Variants in DTL observed in about 807,000 individuals in gnomAD.
DTL encodes denticleless E3 ubiquitin protein ligase adapter, also known as denticleless protein homolog.
A neutral mutation model predicts 87.0 loss-of-function variants in DTL; 46 were observed. The ratio of observed to expected loss-of-function variants is 0.53; its 90% CI spans 0.42 to 0.68. The LOEUF (loss-of-function observed/expected upper bound fraction) is 0.68, where lower values mean the gene tolerates loss of function less well. Among genes scored for constraint, DTL ranks in the 30% least tolerant of loss-of-function variants. DTL has a pLI of 0.00. For synonymous variants in DTL, 308 were observed against 311.2 expected, an observed-to-expected ratio of 0.99 and a Z score of 0.11; for missense variants, 737 against 869.4, an observed-to-expected ratio of 0.85 and a Z score of 1.91.
rs79998219 is a variant in DTL at position 212,086,810 on chromosome 1, C to T, written c.1261+6060C>T. Among the ~76,000 whole-genome samples the T allele has an allele frequency of 1.7e-4, 26 of 152,266 alleles. 1 individual carries two copies. In the East Asian group the frequency reaches 5.0e-3, roughly 29 times the overall value. The stretch of plus-strand genomic sequence containing the variant: ...AACATTTGTTTCAAATATTTTAAAA[C>T]TTGGGGTTTTTTCCTCCCTGAATTT... On this transcript the variant is annotated intron_variant, in intron 13 of 14. Coordinates refer to ENST00000366991, the MANE Select transcript of DTL (RefSeq NM_016448.4).
intron 11 of DTL, among the ~76,000 whole-genome samples, chr1:212,075,990 C>A (rs902490803): frequency 6.6e-6 from 1 of 152,112 alleles, no homozygotes; most frequent in Admixed American, 6.6e-5. Context: ...TGTGTGACGT[C>A]TTTTACTTAG....
In DTL at chr1:212,065,041, C is replaced by G. The variant is rs1253525481; in HGVS notation, c.639+12C>G. The G allele has an allele frequency of 1.3e-6, 2 of 1,562,096 alleles. No individual in the cohort carries two copies. Among genetic ancestry groups the G allele is most frequent in the Admixed American group, 1.7e-5 (1 of 59,938 alleles). On this transcript the variant is annotated intron_variant, in intron 7 of 14. Transcript: ENST00000366991. ...TTGCTCCTTCTGTGGTAAGGTTTTA[C>G]AGATGTATACATGTGTGCAGATCTT...
chr1:212,036,063 A>T lies in DTL; in HGVS notation c.52+121A>T. 7.7e-6 allele frequency: 7 copies of T among 904,152 alleles called. No individual in the cohort carries two copies. The South Asian group carries it at 9.9e-5, about 13-fold the overall frequency. The allele number at this position is 904,152 out of a possible 1,614,324, so 56.0% of individuals were successfully genotyped here. Reference sequence around the variant, plus strand: ...TCAGCTTCTGAGTTCTCCCATGGCAAGGGTAAATTAGTGTTAGCAGGGACT... The same window carrying T: ...TCAGCTTCTGAGTTCTCCCATGGCATGGGTAAATTAGTGTTAGCAGGGACT... On this transcript the variant is annotated intron_variant, in intron 1 of 14. Transcript: ENST00000366991.
In DTL at chr1:212,035,815, G is replaced by C; in HGVS notation, c.-76G>C. 6.9e-7 allele frequency: 1 copy of C among 1,439,236 alleles called. No individual in the cohort carries two copies. The highest frequency in any genetic ancestry group is 1.2e-5 in the South Asian group (1 of 86,156). The allele number at this position is 1,439,236 out of a possible 1,614,324, so 89.2% of individuals were successfully genotyped here. On this transcript the variant is annotated 5_prime_UTR_variant, in exon 1 of 15. Coordinates refer to ENST00000366991, the MANE Select transcript of DTL (RefSeq NM_016448.4). ...GATAACGATTTGTGTTGTGAGAGGC[G>C]CAAGCTGCGATTTCTGCTGAACTTG... is the stretch of plus-strand genomic sequence containing the variant.
At chr1:212,065,221 C>T (rs1004137609) in intron 7 of DTL, among the ~76,000 whole-genome samples, 192 bp downstream of exon 7, 1 of 151,978 alleles carries the variant, frequency 6.6e-6, no homozygotes, top group Non-Finnish European at 1.5e-5. Context: ...ATGCCATTTA[C>T]CTATATTATT....
chr1:212,070,870 A>G (rs1205851580), intron 10 of DTL, among the ~76,000 whole-genome samples: 1 of 152,206 alleles, frequency 6.6e-6, no homozygotes, highest in African/African-American at 2.4e-5. Context: ...AAACATTTAC[A>G]GTGCATATCA....
chr1:212,077,278 T>C (rs150223839), intron 11 of DTL, among the ~76,000 whole-genome samples: 123 of 152,242 alleles, frequency 8.1e-4, no homozygotes, highest in African/African-American at 2.9e-3. Context: ...ATGAAAGAGA[T>C]TGACATCTCT....
intron 1 of DTL, among the ~76,000 whole-genome samples, chr1:212,038,530 G>A (rs1021103935): frequency 2.6e-5 from 4 of 152,156 alleles, no homozygotes; most frequent in African/African-American, 7.2e-5. Flanking sequence ...AAAACATTTC[G>A]TTAAAATCTC....
chr1:212,100,550 G>T lies in DTL; in HGVS notation c.1560G>T (p.Ser520=). The change falls in exon 14 of 15, where the codon TCG becomes TCT. Residue 520 remains serine (S), a synonymous_variant. Coordinates refer to ENST00000366991, the MANE Select transcript of DTL (RefSeq NM_016448.4). ...SSSPPITPPA[S]ETKIMSPRKA... ...CACCACCCATCACTCCACCTGCTTCGGAGACCAAGATCATGTCTCCGAGAA... is the reference window on the plus strand; with the variant it reads ...CACCACCCATCACTCCACCTGCTTCTGAGACCAAGATCATGTCTCCGAGAA... 6.2e-7 allele frequency: 1 copy of T among 1,613,850 alleles called. No homozygotes were observed. The highest frequency in any genetic ancestry group is 8.5e-7 in the Non-Finnish European group (1 of 1,179,968).
rs1292111238 is a variant in DTL, at chr1:212,052,951, A to C, written c.460+5534A>C. 5.3e-5 allele frequency among the ~76,000 whole-genome samples: 8 copies of C among 152,300 alleles called. No individual in the cohort carries two copies. The East Asian group carries it at 1.5e-3, about 29-fold the overall frequency. ...AAATTTAGAATCTTTTCATCAGTCC[A>C]AAAAGAAACTTGAACGCATTAGCAG... On this transcript the variant is annotated intron_variant, in intron 5 of 14. Transcript: ENST00000366991.
intron 13 of DTL, among the ~76,000 whole-genome samples, chr1:212,099,265 C>T (rs912932301): frequency 6.6e-6 from 1 of 152,022 alleles, no homozygotes; most frequent in Non-Finnish European, 1.5e-5. Flanking sequence ...AACGGAGTCT[C>T]GCTGTCAGGC....
rs80150735 is a variant in DTL at position 212,093,494 on chromosome 1, C to G, written c.1262-6758C>G. Among the ~76,000 whole-genome samples the G allele has an allele frequency of 5.4e-3, 822 of 152,318 alleles. 4 individuals are homozygous for G. Among genetic ancestry groups the G allele is most frequent in the African/African-American group, 0.019 (779 of 41,574 alleles). ...GTTCCACTGAGCAGAAGTAGCTTTC[C>G]GCGGATGGGGGAGCCAGAAGGGAAA... On this transcript the variant is annotated intron_variant, in intron 13 of 14. Coordinates refer to ENST00000366991, the MANE Select transcript of DTL (RefSeq NM_016448.4).
chr1:212,088,599 G>A (rs1028468497), intron 13 of DTL, among the ~76,000 whole-genome samples: 1 of 152,216 alleles, frequency 6.6e-6, no homozygotes, highest in Non-Finnish European at 1.5e-5. Context: ...TGTCATCAGA[G>A]CCTTGAAACA....
At chr1:212,036,285 A>G (rs1208988836) in intron 1 of DTL, among the ~76,000 whole-genome samples, 1 of 152,160 alleles carries the variant, frequency 6.6e-6, no homozygotes, top group East Asian at 1.9e-4. Flanking sequence ...GAGATGCTCA[A>G]AACTCCTAAT....
chr1:212,077,856 A>G (rs542839174), intron 11 of DTL, among the ~76,000 whole-genome samples: 5 of 152,320 alleles, frequency 3.3e-5, no homozygotes, highest in Admixed American at 3.3e-4. Context: ...GGAATAAGGG[A>G]CAATGCCAGT....
At chr1:212,087,788 C>T (rs913650467) in intron 13 of DTL, among the ~76,000 whole-genome samples, 3 of 152,150 alleles carry the variant, frequency 2.0e-5, no homozygotes, top group African/African-American at 7.2e-5. Context: ...ATCATGTTCC[C>T]CTGCTTTCCC....
In DTL at chr1:212,102,953, G is replaced by A; in HGVS notation, c.*13G>A. 6.7e-7 allele frequency: 1 copy of A among 1,489,052 alleles called. No homozygotes were observed. Among genetic ancestry groups the A allele is most frequent in the African/African-American group, 1.4e-5 (1 of 71,702 alleles). The allele number at this position is 1,489,052 out of a possible 1,614,324, so 92.2% of individuals were successfully genotyped here. On this transcript the variant is annotated 3_prime_UTR_variant, in exon 15 of 15. Transcript: ENST00000366991. ...AACAGAATTATAGATTCTAATCTGA[G>A]TGAGTTACTGAGCTTTGGTCCACTA... is the stretch of plus-strand genomic sequence containing the variant.
At chr1:212,078,369 A>ATT in intron 12 of DTL, 107 bp downstream of exon 12, 1 of 726,810 alleles carries the variant, frequency 1.4e-6, no homozygotes, top group South Asian at 1.8e-5. Context: ...TTAAGTTGAG[A>ATT]TTTTAAAGAC....
intron 5 of DTL, among the ~76,000 whole-genome samples, chr1:212,048,380 C>G (rs1667866953): frequency 6.6e-6 from 1 of 151,830 alleles, no homozygotes; most frequent in African/African-American, 2.4e-5. Context: ...TTTAGTAGAT[C>G]TGGGGTTTCA....
Sources: allele counts gnomAD v4.1 joint callset (sites outside exome capture counted in the v4.1 genomes callset), GRCh38; gene constraint gnomAD v4.1.1; transcripts MANE v1.5; gene names NCBI Gene and HGNC (gene_info 2026-07-23, HGNC 2026-07-21).